Variants in L3MBTL3 observed in about 807,000 individuals in gnomAD.
L3MBTL3 encodes the protein L3MBTL histone methyl-lysine binding protein 3, also known as lethal(3)malignant brain tumor-like protein 3.
In L3MBTL3, 27 loss-of-function variants were observed where a neutral mutation model predicts 102.3. That is an observed-to-expected ratio of 0.26 (90% CI 0.19 to 0.36). The LOEUF (loss-of-function observed/expected upper bound fraction) is 0.36, where lower values mean the gene tolerates loss of function less well. Among genes scored for constraint, L3MBTL3 ranks in the 10% least tolerant of loss-of-function variants. L3MBTL3 has a pLI of 1.00. For missense variants in L3MBTL3, 798 were observed against 955.3 expected, an observed-to-expected ratio of 0.84 and a Z score of 2.17; for synonymous variants, 340 against 320.9, an observed-to-expected ratio of 1.06 and a Z score of -0.64.
At chr6:130,121,719 GA>G (rs370330900) in intron 20 of L3MBTL3, among the ~76,000 whole-genome samples, 7 of 149,554 alleles carry the variant, frequency 4.7e-5, no homozygotes, top group South Asian at 2.1e-4. Context: ...ATCACAAAAT[GA>G]AAAAAAAAAT....
intron 13 of L3MBTL3, among the ~76,000 whole-genome samples, chr6:130,072,367 G>T (rs1298269284): frequency 6.6e-6 from 1 of 152,122 alleles, no homozygotes; most frequent in Non-Finnish European, 1.5e-5. Context: ...ATGCCATTTT[G>T]TAAAAGGGAC....
At chr6:130,021,950 A>C (rs771054177) in intron 1 of L3MBTL3, among the ~76,000 whole-genome samples, 1 of 152,220 alleles carries the variant, frequency 6.6e-6, no homozygotes, top group Non-Finnish European at 1.5e-5. Context: ...ATTAAAGTTG[A>C]CTCAAATGAT....
chr6:130,074,777 AT>A (rs1782849596), intron 13 of L3MBTL3, among the ~76,000 whole-genome samples: 1 of 152,214 alleles, frequency 6.6e-6, no homozygotes, highest in Non-Finnish European at 1.5e-5. Context: ...AGCTTCAGCC[AT>A]TTTTTATTCC....
At chr6:130,135,786 G>T (rs145302387) in intron 22 of L3MBTL3, among the ~76,000 whole-genome samples, 2 of 152,114 alleles carry the variant, frequency 1.3e-5, no homozygotes, top group Admixed American at 1.3e-4. Context: ...GTTAAATTCC[G>T]ACCATGAGTA....
intron 19 of L3MBTL3, among the ~76,000 whole-genome samples, chr6:130,119,665 C>T (rs1344213657): frequency 6.6e-6 from 1 of 152,098 alleles, no homozygotes; most frequent in Non-Finnish European, 1.5e-5. Context: ...AAGTATACTT[C>T]AGCAGTTGTA....
chr6:130,051,211 C>T (rs749692465), intron 5 of L3MBTL3, 38 bp from the exon 6 acceptor site: 1 of 1,558,010 alleles, frequency 6.4e-7, no homozygotes, highest in South Asian at 1.2e-5. Context: ...TGTCTTCTGT[C>T]ATGGTTGTAA....
At chr6:130,063,193 G>A (rs757345572) in intron 10 of L3MBTL3, among the ~76,000 whole-genome samples, 5 of 152,120 alleles carry the variant, frequency 3.3e-5, no homozygotes, top group Non-Finnish European at 7.4e-5. Context: ...ACAGGAAGGC[G>A]GAGCAGGAAG....
chr6:130,083,741 G>T (rs1418662101), intron 15 of L3MBTL3, 36 bp downstream of exon 15: 1 of 1,054,698 alleles, frequency 9.5e-7, no homozygotes, highest in South Asian at 1.4e-5. Context: ...GCGTGGATGA[G>T]ATCATTTATT....
chr6:130,020,131 G>GGGCCACCGCCCGCCTCGCGCCGC lies in L3MBTL3; in HGVS notation c.-95+1469_-95+1491dup, dbSNP rs1310729187. 1.3e-3 allele frequency among the ~76,000 whole-genome samples: 196 copies of GGGCCACCGCCCGCCTCGCGCCGC among 151,198 alleles called. 4 individuals carry two copies. Among genetic ancestry groups the GGGCCACCGCCCGCCTCGCGCCGC allele is most frequent in the Non-Finnish European group, 3.8e-4 (26 of 67,688 alleles). On this transcript the variant is annotated intron_variant, in intron 1 of 22. Transcript: ENST00000361794. Reference sequence around the variant, plus strand: ...GGGGTCGGGGCCGGGGCCGGCGCCGGGGCCACCGCCCGCCTCGCGCCGCGT... The same window carrying GGGCCACCGCCCGCCTCGCGCCGC: ...GGGGTCGGGGCCGGGGCCGGCGCCGGGGCCACCGCCCGCCTCGCGCCGCGGCCACCGCCCGCCTCGCGCCGCGT...
chr6:130,085,996 G>C (rs909069451), intron 15 of L3MBTL3, 144 bp from the exon 16 acceptor site: 1 of 563,436 alleles, frequency 1.8e-6, no homozygotes, highest in East Asian at 3.5e-5. Context: ...CAAGTGATCC[G>C]CCCGCCTCAG....
chr6:130,053,461 C>A (rs1235548631), intron 7 of L3MBTL3, among the ~76,000 whole-genome samples: 1 of 151,882 alleles, frequency 6.6e-6, no homozygotes, highest in African/African-American at 2.4e-5. Flanking sequence ...CGGTGAAACC[C>A]CTTCCTTACT....
At chr6:130,108,909 G>A (rs62432048) in intron 19 of L3MBTL3, among the ~76,000 whole-genome samples, 10,269 of 151,692 alleles carry the variant, frequency 0.068, 502 homozygotes, top group Non-Finnish European at 0.11. Context: ...CCCTGTTTCC[G>A]TGTGTTTTCA....
At chr6:130,058,472 TAAA>T (rs111300227) in intron 9 of L3MBTL3, among the ~76,000 whole-genome samples, 3 of 132,950 alleles carry the variant, frequency 2.3e-5, no homozygotes, top group Non-Finnish European at 1.6e-5. Context: ...ACTCGGCCTC[TAAA>T]AAAAAAAAAA....
intron 20 of L3MBTL3, among the ~76,000 whole-genome samples, chr6:130,132,019 G>A (rs1223070071): frequency 6.6e-6 from 1 of 152,214 alleles, no homozygotes; most frequent in African/African-American, 2.4e-5. Flanking sequence ...TGCTCAAGAT[G>A]GAGTTGCTCT....
At chr6:130,123,764 A>G (rs1786404866) in intron 20 of L3MBTL3, among the ~76,000 whole-genome samples, 1 of 152,200 alleles carries the variant, frequency 6.6e-6, no homozygotes, top group Admixed American at 6.5e-5. Context: ...GGATAGCACC[A>G]TCCAGTAGTT....
intron 19 of L3MBTL3, among the ~76,000 whole-genome samples, chr6:130,114,999 C>G (rs1388737719): frequency 6.6e-6 from 1 of 151,486 alleles, no homozygotes; most frequent in Non-Finnish European, 1.5e-5. Flanking sequence ...TTCTCATTCC[C>G]TTATGTTTTT....
chr6:130,063,170 C>G (rs976641034), intron 10 of L3MBTL3, among the ~76,000 whole-genome samples: 2 of 152,008 alleles, frequency 1.3e-5, no homozygotes, highest in Non-Finnish European at 2.9e-5. Flanking sequence ...AAGGAGGAGT[C>G]TCTTGCATTA....
chr6:130,051,060 T>C (rs1781062942), intron 5 of L3MBTL3, among the ~76,000 whole-genome samples, 189 bp from the exon 6 acceptor site: 1 of 152,230 alleles, frequency 6.6e-6, no homozygotes, highest in South Asian at 2.1e-4. Context: ...TTTTCATTAT[T>C]TGAATGACTT....
At chr6:130,088,159 C>A (rs1309965946) in intron 16 of L3MBTL3, among the ~76,000 whole-genome samples, 2 of 152,190 alleles carry the variant, frequency 1.3e-5, no homozygotes, top group African/African-American at 4.8e-5. Flanking sequence ...GTCCATAACA[C>A]CCCAGAAATA....
Sources: allele counts gnomAD v4.1 joint callset (sites outside exome capture counted in the v4.1 genomes callset), GRCh38; gene constraint gnomAD v4.1.1; transcripts MANE v1.5; gene names NCBI Gene and HGNC (gene_info 2026-07-23, HGNC 2026-07-21).